Variants in SDK1 observed in about 807,000 individuals in gnomAD.
The protein encoded by SDK1 is protein sidekick-1.
SDK1 carries 157 observed loss-of-function variants against 245.5 expected under a neutral mutation model. That is an observed-to-expected ratio of 0.64 (90% confidence interval 0.56 to 0.73). The LOEUF (loss-of-function observed/expected upper bound fraction) is 0.73. Ranked by LOEUF, SDK1 falls within the 30% of genes least tolerant of loss-of-function variation. The pLI is 0.00. For missense variants in SDK1, 3,583 were observed against 3,002.3 expected (o/e 1.19, Z -4.52); for synonymous variants, 1,647 against 1,278.5 (o/e 1.29, Z -6.15).
intron 17 of SDK1, among the ~76,000 whole-genome samples, chr7:4,035,866 T>TG (rs1293220280): frequency 1.3e-5 from 2 of 152,194 alleles, no homozygotes; most frequent in African/African-American, 4.8e-5. Flanking sequence ...AAGAGGCTCC[T>TG]GCTAGTTAAA....
chr7:3,860,324 GA>G (rs1780660541), intron 5 of SDK1, among the ~76,000 whole-genome samples: 1 of 151,928 alleles, frequency 6.6e-6, no homozygotes, highest in African/African-American at 2.4e-5. Flanking sequence ...GTAATCACTC[GA>G]AAAAAGACAA....
At chr7:3,328,089 C>G (rs953765316) in intron 1 of SDK1, among the ~76,000 whole-genome samples, 3 of 151,838 alleles carry the variant, frequency 2.0e-5, no homozygotes, top group Admixed American at 6.6e-5. Context: ...GTATGGTATT[C>G]TTATTCTGTG....
At position 4,174,309 on chromosome 7, in the gene SDK1, GA is replaced by G; in HGVS notation, c.4889del (p.Glu1630GlyfsTer9). ...GGAGTATGAAGCCGGGTCAGGCACTGAGGCCAAGACGCTCAAAAACCCTATA... is the reference window on the plus strand; with the variant it reads ...GGAGTATGAAGCCGGGTCAGGCACTGGGCCAAGACGCTCAAAAACCCTATA... Reference protein sequence around the residue: ...ELEYEAGSGTEAKTLKNPIAL... With the variant: ...ELEYEAGSGTXAKTLKNPIAL... On this transcript the variant is annotated frameshift_variant, in exon 33 of 45. Transcript: ENST00000404826. LOFTEE classifies it high-confidence loss of function. 1 of 1,613,912 alleles carries G rather than the reference GA, an allele frequency of 6.2e-7. No homozygotes were observed. Among genetic ancestry groups the G allele is most frequent in the Non-Finnish European group, 8.5e-7 (1 of 1,179,794 alleles).
At chr7:3,855,801 A>G (rs1780531634) in intron 5 of SDK1, among the ~76,000 whole-genome samples, 1 of 152,210 alleles carries the variant, frequency 6.6e-6, no homozygotes, top group African/African-American at 2.4e-5. Context: ...TCTTTTAGTC[A>G]AAGTTCTGAG....
chr7:4,232,763 C>T lies in SDK1; in HGVS notation c.5828-492C>T, dbSNP rs188631777. Reference sequence around the variant, plus strand: ...CAGGCATGAGCCACCATGCCTGGCTCATCGTGATTCTTTACAACAAATCTC... The same window carrying T: ...CAGGCATGAGCCACCATGCCTGGCTTATCGTGATTCTTTACAACAAATCTC... On this transcript the variant is annotated intron_variant, in intron 40 of 44. Transcript: ENST00000404826. 242 of 152,884 alleles carry T rather than the reference C, an allele frequency of 1.6e-3. 1 individual carries two copies. Among genetic ancestry groups the T allele is most frequent in the Middle Eastern group, 3.4e-3 (1 of 294 alleles). The allele number at this position is 152,884 out of a possible 1,614,324, so 9.5% of individuals were successfully genotyped here.
intron 28 of SDK1, among the ~76,000 whole-genome samples, chr7:4,143,597 A>G (rs1174043131): frequency 6.6e-6 from 1 of 152,152 alleles, no homozygotes; most frequent in Non-Finnish European, 1.5e-5. Context: ...TGCACCCCCA[A>G]AGGTGTGTCC....
intron 4 of SDK1, among the ~76,000 whole-genome samples, chr7:3,775,953 C>T (rs1350434197): frequency 6.6e-6 from 1 of 152,208 alleles, no homozygotes; most frequent in Non-Finnish European, 1.5e-5. Context: ...CCAGTATTTG[C>T]ACTGATTCTC....
chr7:3,423,918 A>ATT (rs762630504), intron 1 of SDK1, among the ~76,000 whole-genome samples: 11 of 145,084 alleles, frequency 7.6e-5, no homozygotes, highest in African/African-American at 1.5e-4. Context: ...AACACATACT[A>ATT]TTTTTTTTTT....
intron 2 of SDK1, among the ~76,000 whole-genome samples, chr7:3,631,200 C>G (rs944016444): frequency 5.9e-5 from 9 of 152,176 alleles, no homozygotes; most frequent in African/African-American, 2.2e-4. Flanking sequence ...TCCCAAAGTG[C>G]TGGGATTACA....
At chr7:3,409,306 T>A (rs1038237872) in intron 1 of SDK1, among the ~76,000 whole-genome samples, 1 of 145,904 alleles carries the variant, frequency 6.9e-6, no homozygotes, top group Non-Finnish European at 1.5e-5. Context: ...GGTTTTTTTT[T>A]TTTTTTTGGA....
chr7:4,112,078 G>C (rs1783386601), intron 23 of SDK1, among the ~76,000 whole-genome samples: 1 of 152,204 alleles, frequency 6.6e-6, no homozygotes, highest in Non-Finnish European at 1.5e-5. Flanking sequence ...CCAGCATCAG[G>C]AGATCCTGGC....
chr7:3,431,886 A>C (rs183640837), intron 1 of SDK1, among the ~76,000 whole-genome samples: 184 of 152,212 alleles, frequency 1.2e-3, no homozygotes, highest in African/African-American at 4.2e-3. Context: ...AAATGGCTGA[A>C]GCCTGCGGTT....
intron 4 of SDK1, among the ~76,000 whole-genome samples, chr7:3,715,707 G>A (rs1399961678): frequency 1.3e-5 from 2 of 152,128 alleles, no homozygotes; most frequent in South Asian, 2.1e-4. Context: ...AGGACAAGGA[G>A]TCTTAACATA....
At chr7:3,401,232 T>C (rs572540097) in intron 1 of SDK1, among the ~76,000 whole-genome samples, 4 of 152,232 alleles carry the variant, frequency 2.6e-5, no homozygotes, top group African/African-American at 9.6e-5. Context: ...AATAATCACA[T>C]GACAAGATTT....
intron 4 of SDK1, among the ~76,000 whole-genome samples, chr7:3,675,092 T>G (rs1783850173): frequency 6.6e-6 from 1 of 152,196 alleles, no homozygotes; most frequent in Admixed American, 6.5e-5. Context: ...CATCTCCACG[T>G]GTGAATCTAA....
chr7:3,519,280 A>G (rs1300179837), intron 1 of SDK1, among the ~76,000 whole-genome samples: 1 of 152,098 alleles, frequency 6.6e-6, no homozygotes, highest in Non-Finnish European at 1.5e-5. Context: ...GTAGGAGGGT[A>G]TTGACTGTTC....
intron 5 of SDK1, among the ~76,000 whole-genome samples, chr7:3,842,344 C>T (rs577089881): frequency 3.4e-4 from 52 of 152,320 alleles, no homozygotes; most frequent in South Asian, 1.9e-3. Context: ...TGCCCTGGAC[C>T]AACAGTCAAA....
chr7:4,063,193 C>G (rs1779647036), intron 19 of SDK1, among the ~76,000 whole-genome samples: 1 of 152,110 alleles, frequency 6.6e-6, no homozygotes, highest in South Asian at 2.1e-4. Flanking sequence ...GATCTTGTGT[C>G]TAAACAAACC....
chr7:3,755,697 C>T (rs567575045), intron 4 of SDK1, among the ~76,000 whole-genome samples: 1 of 152,004 alleles, frequency 6.6e-6, no homozygotes, highest in Non-Finnish European at 1.5e-5. Context: ...CCCAAACAAA[C>T]GCTGATAGGT....
Sources: allele counts gnomAD v4.1 joint callset (sites outside exome capture counted in the v4.1 genomes callset), GRCh38; gene constraint gnomAD v4.1.1; transcripts MANE v1.5; gene names NCBI Gene and HGNC (gene_info 2026-07-23, HGNC 2026-07-21).